BCL2L1: variants seen among roughly 807,000 people sequenced by gnomAD.
BCL2L1 encodes the protein bcl-2-like protein 1.
Under a neutral mutation model 18.7 loss-of-function variants are expected in BCL2L1, and 1 was observed. That is an observed-to-expected ratio of 0.05 (90% CI 0.02 to 0.25). BCL2L1 has a LOEUF of 0.25. Ranked by LOEUF, BCL2L1 falls within the 10% of genes least tolerant of loss-of-function variation. The probability of loss-of-function intolerance (pLI) is 1.00; values close to 1 mark genes in which losing one functional copy is unlikely to be tolerated. For missense variants in BCL2L1, 207 were observed against 304.9 expected (o/e 0.68, Z 2.39); for synonymous variants, 103 against 122.7 (o/e 0.84, Z 1.06).
At chr20:31,669,775 C>CA (rs2060639124) in intron 2 of BCL2L1, among the ~76,000 whole-genome samples, 1 of 152,100 alleles carries the variant, frequency 6.6e-6, no homozygotes, top group African/African-American at 2.4e-5. Context: ...GAGGTCCTGT[C>CA]TCGTTCCTAT....
chr20:31,677,605 T>C (rs1236277955), intron 2 of BCL2L1, among the ~76,000 whole-genome samples: 1 of 152,242 alleles, frequency 6.6e-6, no homozygotes, highest in East Asian at 1.9e-4. Flanking sequence ...TTCTTACTAG[T>C]AGACCATGGC....
chr20:31,722,574 G>T, intron 1 of BCL2L1, 44 bp downstream of exon 1: 1 of 173,226 alleles, frequency 5.8e-6, no homozygotes, highest in South Asian at 1.9e-4. Context: ...GTCACTCCCT[G>T]GGCAGTCCCC....
chr20:31,699,610 T>C (rs556148704), intron 2 of BCL2L1, among the ~76,000 whole-genome samples: 1 of 152,330 alleles, frequency 6.6e-6, no homozygotes, highest in Non-Finnish European at 1.5e-5. Flanking sequence ...CTGCATATCC[T>C]GAACCAACAA....
rs983004838 is a variant in BCL2L1, at chr20:31,671,196, C to G, written c.565-5110G>C. On this transcript the variant is annotated intron_variant, in intron 2 of 2. Coordinates refer to ENST00000307677, the MANE Select transcript of BCL2L1 (RefSeq NM_138578.3). Reference sequence around the variant, plus strand: ...AGTCATGGATTCCTAGCCAGGTAGGCCCATGAAGTCAGCAAGGCCAACCCA... The same window carrying G: ...AGTCATGGATTCCTAGCCAGGTAGGGCCATGAAGTCAGCAAGGCCAACCCA... 7.9e-5 allele frequency among the ~76,000 whole-genome samples: 12 copies of G among 152,026 alleles called. No homozygotes were observed. In the East Asian group the frequency reaches 2.3e-3, roughly 29 times the overall value.
At chr20:31,716,538 G>A (rs529930459) in intron 2 of BCL2L1, 1 of 152,124 alleles carries the variant, frequency 6.6e-6, no homozygotes, top group African/African-American at 2.4e-5. Flanking sequence ...GAATTATTAG[G>A]TAAATAGCCA....
Position 31,710,598 on chromosome 20 carries a change from C to T in BCL2L1, c.564+11057G>A, listed in dbSNP as rs566719003. Among the ~76,000 whole-genome samples the T allele has an allele frequency of 5.3e-5, 8 of 152,310 alleles. No individual in the cohort carries two copies. The East Asian group carries it at 9.6e-4, about 18-fold the overall frequency. The stretch of plus-strand genomic sequence containing the variant: ...AAAGGGTGCAGGTTGATGATACAGG[C>T]TGAGGGTGGAGGCCTCTGGGCCCAG... On this transcript the variant is annotated intron_variant, in intron 2 of 2. Transcript: ENST00000307677.
At chr20:31,692,411 TG>T (rs2061089449) in intron 2 of BCL2L1, among the ~76,000 whole-genome samples, 1 of 152,246 alleles carries the variant, frequency 6.6e-6, no homozygotes, top group South Asian at 2.1e-4. Context: ...GTAACATGGA[TG>T]GATCTCAACC....
chr20:31,720,078 AAGTCT>A (rs1421902696), intron 2 of BCL2L1: 1 of 985,122 alleles, frequency 1.0e-6, no homozygotes, highest in Middle Eastern at 5.2e-4. Flanking sequence ...AATGGCTTTC[AAGTCT>A]AGTCAGCTAG....
At chr20:31,697,020 C>T (rs2061182517) in intron 2 of BCL2L1, among the ~76,000 whole-genome samples, 2 of 143,368 alleles carry the variant, frequency 1.4e-5, no homozygotes, top group Non-Finnish European at 3.0e-5. Context: ...CAAGCCACTC[C>T]AGCCTGGGCA....
intron 2 of BCL2L1, among the ~76,000 whole-genome samples, chr20:31,715,498 T>C (rs1186180481): frequency 6.6e-6 from 1 of 152,110 alleles, no homozygotes; most frequent in Non-Finnish European, 1.5e-5. Context: ...GTCCATTCCC[T>C]CTGCTTTAAA....
At chr20:31,723,571 C>G (rs2061670684), upstream of BCL2L1, 1 of 984,564 alleles carries the variant, frequency 1.0e-6, no homozygotes, top group East Asian at 1.1e-4. Context: ...GGCAACCGCC[C>G]TCCCCCGGGG....
intron 2 of BCL2L1, among the ~76,000 whole-genome samples, chr20:31,695,806 G>A (rs1257371479): frequency 3.3e-5 from 5 of 151,936 alleles, no homozygotes; most frequent in Admixed American, 6.6e-5. Context: ...CCATATATCC[G>A]CACAGCTCAT....
At chr20:31,685,733 T>A (rs1168277181) in intron 2 of BCL2L1, among the ~76,000 whole-genome samples, 1 of 151,922 alleles carries the variant, frequency 6.6e-6, no homozygotes, top group Non-Finnish European at 1.5e-5. Context: ...TCCGGGCCCT[T>A]TTTTTTTCCC....
intron 2 of BCL2L1, among the ~76,000 whole-genome samples, chr20:31,718,782 G>A (rs1216870241): frequency 6.6e-6 from 1 of 152,190 alleles, no homozygotes; most frequent in African/African-American, 2.4e-5. Context: ...CACGCCTCTG[G>A]GAACCTGCTA....
chr20:31,666,902 T>C (rs1414433003), intron 2 of BCL2L1, among the ~76,000 whole-genome samples: 1 of 152,120 alleles, frequency 6.6e-6, no homozygotes. Context: ...GGAGGAGCTG[T>C]GGGCTAAATT....
At chr20:31,691,987 A>G (rs1254130083) in intron 2 of BCL2L1, among the ~76,000 whole-genome samples, 1 of 152,254 alleles carries the variant, frequency 6.6e-6, no homozygotes, top group East Asian at 1.9e-4. Context: ...ACAATCTGCC[A>G]TTACCTTCTG....
chr20:31,690,802 GA>G (rs2061053060), intron 2 of BCL2L1, among the ~76,000 whole-genome samples: 1 of 151,808 alleles, frequency 6.6e-6, no homozygotes, highest in Non-Finnish European at 1.5e-5. Context: ...AAGAAAAAAG[GA>G]AAAAAAGCCC....
At chr20:31,674,521 T>G (rs1176811482) in intron 2 of BCL2L1, among the ~76,000 whole-genome samples, 3 of 152,116 alleles carry the variant, frequency 2.0e-5, no homozygotes, top group African/African-American at 7.2e-5. Context: ...GAGGAAGGCC[T>G]TCATTCTAAG....
chr20:31,679,047 C>G (rs1219297569), intron 2 of BCL2L1, among the ~76,000 whole-genome samples: 4 of 152,234 alleles, frequency 2.6e-5, no homozygotes, highest in Admixed American at 6.5e-5. Context: ...GCCTCATACT[C>G]TTCTCTGCAG....
Sources: gnomAD v4.1 joint callset for allele counts (sites outside exome capture counted in the v4.1 genomes callset) on GRCh38, gnomAD v4.1.1 for gene constraint, MANE v1.5 for transcripts, NCBI Gene and HGNC (gene_info 2026-07-23, HGNC 2026-07-21) for gene names.